The following EYA2 variants were observed in gnomAD, a reference collection of about 807,000 sequenced individuals.
EYA2 encodes the protein protein phosphatase EYA2.
A neutral mutation model predicts 69.2 loss-of-function variants in EYA2; 31 were observed. The observed-to-expected ratio is 0.45, with a 90% confidence interval of 0.34 to 0.60. The LOEUF is 0.60. EYA2 is among the 20% of genes least tolerant of loss of function. EYA2 has a pLI of 0.02. For missense variants in EYA2, 622 were observed against 701.2 expected (o/e 0.89, Z 1.28); for synonymous variants, 257 against 279.4 (o/e 0.92, Z 0.80).
chr20:47,091,852 T>C (rs552064257), intron 8 of EYA2, among the ~76,000 whole-genome samples: 2 of 152,284 alleles, frequency 1.3e-5, no homozygotes, highest in African/African-American at 4.8e-5. Context: ...ACAAAGACAT[T>C]GTTGAGAAAT....
chr20:46,946,174 A>T (rs748786014), intron 1 of EYA2, among the ~76,000 whole-genome samples: 23 of 152,086 alleles, frequency 1.5e-4, no homozygotes, highest in Non-Finnish European at 2.8e-4. Flanking sequence ...GGATCCCTGC[A>T]GGATTGCTGG....
chr20:46,967,662 G>T (rs1434435162), intron 1 of EYA2, among the ~76,000 whole-genome samples: 1 of 152,116 alleles, frequency 6.6e-6, no homozygotes, highest in Non-Finnish European at 1.5e-5. Context: ...GTAAAATGCT[G>T]GTATCACCAG....
At chr20:47,080,619 G>A (rs1004265954) in intron 7 of EYA2, among the ~76,000 whole-genome samples, 4 of 152,130 alleles carry the variant, frequency 2.6e-5, no homozygotes, top group Non-Finnish European at 5.9e-5. Flanking sequence ...ATTTGTATTA[G>A]TCTATCTTCA....
At chr20:47,144,124 G>A (rs564096575) in intron 10 of EYA2, among the ~76,000 whole-genome samples, 13 of 152,174 alleles carry the variant, frequency 8.5e-5, no homozygotes, top group Non-Finnish European at 1.5e-4. Flanking sequence ...TTGGGAGGCC[G>A]AGGCGGGTGG....
chr20:47,135,854 CAAAA>C (rs1281930987), intron 9 of EYA2, among the ~76,000 whole-genome samples: 3 of 64,868 alleles, frequency 4.6e-5, no homozygotes, highest in African/African-American at 6.6e-5. Context: ...AACAAACAAA[CAAAA>C]AACTAATTAA....
chr20:47,179,989 A>G, intron 13 of EYA2, 77 bp downstream of exon 13: 1 of 1,013,782 alleles, frequency 9.9e-7, no homozygotes, highest in Non-Finnish European at 1.5e-6. Context: ...GCATGTCCAC[A>G]CTTGGGAGAA....
intron 1 of EYA2, among the ~76,000 whole-genome samples, chr20:46,899,263 A>G (rs6066103): frequency 0.22 from 33,681 of 152,076 alleles, 4,993 homozygotes; most frequent in Non-Finnish European, 0.32. Context: ...GAAGATGCTG[A>G]ATTTGGATGG....
In EYA2 at chr20:47,118,350, G is replaced by A. The variant is rs150110679; in HGVS notation, c.888+21182G>A. Among the ~76,000 whole-genome samples, 530 of 152,274 alleles carry A rather than the reference G, an allele frequency of 3.5e-3. 3 individuals carry two copies. Among genetic ancestry groups the A allele is most frequent in the Non-Finnish European group, 6.1e-3 (414 of 68,024 alleles). On this transcript the variant is annotated intron_variant, in intron 9 of 15. Coordinates refer to ENST00000327619, the MANE Select transcript of EYA2 (RefSeq NM_005244.5). ...CAGTGATTATTTTCTTTGCAGCACG[G>A]CTGGGAGAAGGAGAGTGACCTCACT...
At chr20:47,019,627 T>A (rs1983624478) in intron 5 of EYA2, among the ~76,000 whole-genome samples, 1 of 152,188 alleles carries the variant, frequency 6.6e-6, no homozygotes, top group Non-Finnish European at 1.5e-5. Context: ...CTGAAAATGC[T>A]GATTTTGTGA....
Position 47,077,840 on chromosome 20 carries a change from T to C in EYA2, c.661+3505T>C, listed in dbSNP as rs888492797. Among the ~76,000 whole-genome samples, 12 of 152,326 alleles carry C rather than the reference T, an allele frequency of 7.9e-5. No homozygotes were observed. The East Asian group carries it at 1.9e-3, about 24-fold the overall frequency. On this transcript the variant is annotated intron_variant, in intron 7 of 15. Coordinates refer to ENST00000327619, the MANE Select transcript of EYA2 (RefSeq NM_005244.5). Reference sequence around the variant, plus strand: ...ACAAAGTTTTTCTCTGTCATCATCTTGAATTATCTTTAGCCATCCTGATTT... The same window carrying C: ...ACAAAGTTTTTCTCTGTCATCATCTCGAATTATCTTTAGCCATCCTGATTT...
intron 14 of EYA2, among the ~76,000 whole-genome samples, chr20:47,182,354 G>C (rs1289054560): frequency 6.6e-6 from 1 of 151,244 alleles, no homozygotes; most frequent in Non-Finnish European, 1.5e-5. Context: ...TGGGTCAGGC[G>C]CGGTGGCTCA....
chr20:46,898,826 C>G (rs1258785824), intron 1 of EYA2, among the ~76,000 whole-genome samples: 1 of 152,102 alleles, frequency 6.6e-6, no homozygotes, highest in Non-Finnish European at 1.5e-5. Flanking sequence ...AAGGTACCTG[C>G]CAGGTGTATT....
chr20:47,001,930 C>T (rs578022967), intron 3 of EYA2, among the ~76,000 whole-genome samples: 31 of 150,426 alleles, frequency 2.1e-4, no homozygotes, highest in African/African-American at 7.4e-4. Context: ...TTCAATCTCC[C>T]TTCTATTTTT....
chr20:47,001,699 A>C (rs78415572), intron 3 of EYA2, among the ~76,000 whole-genome samples: 1,619 of 151,934 alleles, frequency 0.011, 27 homozygotes, highest in African/African-American at 0.037. Flanking sequence ...CGAAACCAGC[A>C]AAAGCAGGTA....
chr20:46,900,209 T>C (rs1285252170), intron 1 of EYA2, among the ~76,000 whole-genome samples: 2 of 152,176 alleles, frequency 1.3e-5, no homozygotes, highest in Admixed American at 6.6e-5. Context: ...TCTCTGCTAA[T>C]GTAACTAAAG....
intron 4 of EYA2, among the ~76,000 whole-genome samples, chr20:47,010,500 A>G (rs1469360717): frequency 2.0e-5 from 3 of 152,096 alleles, no homozygotes; most frequent in African/African-American, 4.8e-5. Context: ...GCGTGGTGGC[A>G]CACACGTGCT....
intron 1 of EYA2, among the ~76,000 whole-genome samples, chr20:46,943,830 A>ATTATG (rs533711463): frequency 5.3e-4 from 80 of 152,312 alleles, no homozygotes; most frequent in African/African-American, 1.8e-3. Flanking sequence ...ATTCATCAAA[A>ATTATG]TGCTGTTCTG....
At position 47,056,256 on chromosome 20, in the gene EYA2, G is replaced by A. The variant is rs371082757; in HGVS notation, c.416-15929G>A. Among the ~76,000 whole-genome samples the A allele has an allele frequency of 7.2e-5, 11 of 152,294 alleles. No individual in the cohort carries two copies. In the East Asian group the frequency reaches 2.1e-3, roughly 29 times the overall value. ...AGGACTTGACGACTCACAGCAGCAA[G>A]GCAGATGTGGACCAGGCGTCCTGTT... On this transcript the variant is annotated intron_variant, in intron 5 of 15. Coordinates refer to ENST00000327619, the MANE Select transcript of EYA2 (RefSeq NM_005244.5).
chr20:46,992,208 C>T (rs898097742), intron 2 of EYA2, among the ~76,000 whole-genome samples: 2 of 152,198 alleles, frequency 1.3e-5, no homozygotes, highest in African/African-American at 2.4e-5. Flanking sequence ...CGGCACTTGT[C>T]GTGTCCCAGC....
Sources: gnomAD v4.1 joint callset for allele counts (sites outside exome capture counted in the v4.1 genomes callset) on GRCh38, gnomAD v4.1.1 for gene constraint, MANE v1.5 for transcripts, NCBI Gene and HGNC (gene_info 2026-07-23, HGNC 2026-07-21) for gene names.